Variants in GLRX2 observed in about 807,000 individuals in gnomAD.
The protein encoded by GLRX2 is bA101E13.1 (GRX2 glutaredoxin (thioltransferase) 2).
A neutral mutation model predicts 16.4 loss-of-function variants in GLRX2; 12 were observed. The observed-to-expected ratio is 0.73, with a 90% CI of 0.47 to 1.19. The LOEUF (loss-of-function observed/expected upper bound fraction) is 1.19, where lower values mean the gene tolerates loss of function less well. Among genes scored for constraint, GLRX2 ranks in the 50% most tolerant of loss-of-function variants. The pLI is 0.00. For synonymous variants in GLRX2, 95 were observed against 76.2 expected, an observed-to-expected ratio of 1.25 and a Z score of -1.28; for missense variants, 201 against 201.8, an observed-to-expected ratio of 1.00 and a Z score of 0.02.
chr1:193,105,708 T>G, upstream of GLRX2: 2 of 1,492,148 alleles, frequency 1.3e-6, no homozygotes, highest in Non-Finnish European at 1.8e-6. Flanking sequence ...TTGGAAGCAG[T>G]GCATGAGGAT....
intron 2 of GLRX2, among the ~76,000 whole-genome samples, chr1:193,098,054 A>G (rs1048853964): frequency 6.6e-6 from 1 of 152,194 alleles, no homozygotes; most frequent in South Asian, 2.1e-4. Flanking sequence ...TCAACAATTT[A>G]TCTTCACTGT....
chr1:193,102,924 T>A (rs570340629), intron 1 of GLRX2, among the ~76,000 whole-genome samples: 19 of 152,318 alleles, frequency 1.2e-4, no homozygotes, highest in African/African-American at 4.1e-4. Context: ...GGACTCTGTA[T>A]AAGCTCCCCA....
chr1:193,105,182 G>C (rs1675162130), intron 1 of GLRX2, 82 bp downstream of exon 1: 1 of 1,446,710 alleles, frequency 6.9e-7, no homozygotes, highest in Non-Finnish European at 9.0e-7. Context: ...GGGGCAAAGG[G>C]GCACCTCCGC....
Position 193,096,726 on chromosome 1 carries a change from C to A in GLRX2, c.394G>T (p.Gly132Ter), listed in dbSNP as rs780399378. 3.7e-6 allele frequency: 6 copies of A among 1,610,772 alleles called. No individual in the cohort carries two copies. In the South Asian group the frequency reaches 6.6e-5, roughly 18 times the overall value. The change falls in exon 4 of 4, where the codon GGA (glycine) becomes TGA (stop). Residue 132 changes from glycine to a stop codon, truncating the protein, a stop_gained. Coordinates refer to ENST00000367439, the MANE Select transcript of GLRX2 (RefSeq NM_197962.3). LOFTEE classifies it high-confidence loss of function. ...PRIFVNGTFI[G>*]GATDTHRLHK... Reference sequence around the variant, plus strand: ...AGCCTATGAGTGTCAGTTGCACCTCCAATAAAAGTACCATTGACAAATATT... The same window carrying A: ...AGCCTATGAGTGTCAGTTGCACCTCAAATAAAAGTACCATTGACAAATATT...
intron 3 of GLRX2, 121 bp downstream of exon 3, chr1:193,097,463 C>T: frequency 3.1e-6 from 2 of 645,310 alleles, no homozygotes; most frequent in South Asian, 3.5e-5. Context: ...CCTAGATCTG[C>T]AGCTGCTTTA....
At chr1:193,101,996 A>G (rs1246743559) in intron 1 of GLRX2, among the ~76,000 whole-genome samples, 1 of 152,178 alleles carries the variant, frequency 6.6e-6, no homozygotes, top group Admixed American at 6.5e-5. Flanking sequence ...TTCTTGGTCA[A>G]CCAGGCCCTA....
upstream of GLRX2, chr1:193,105,698 T>C (rs1411120423): frequency 3.3e-6 from 5 of 1,532,748 alleles, no homozygotes; most frequent in Middle Eastern, 1.8e-4. Context: ...TCCCAGGCAC[T>C]TGGAAGCAGT....
chr1:193,105,023 A>C (rs1675157278), intron 1 of GLRX2, among the ~76,000 whole-genome samples: 1 of 152,206 alleles, frequency 6.6e-6, no homozygotes. Flanking sequence ...GGCCTAAGTG[A>C]ACATGAGTGA....
chr1:193,102,686 C>G (rs574558843), intron 1 of GLRX2, among the ~76,000 whole-genome samples: 2 of 152,292 alleles, frequency 1.3e-5, no homozygotes, highest in African/African-American at 4.8e-5. Context: ...TGAATCCACT[C>G]TAATAGCTTT....
chr1:193,105,106 C>A (rs996142142), intron 1 of GLRX2, 158 bp downstream of exon 1: 1 of 782,524 alleles, frequency 1.3e-6, no homozygotes, highest in African/African-American at 1.9e-5. Flanking sequence ...CCTGCCCATC[C>A]CTCGAGCGCC....
At chr1:193,099,003 C>A (rs934400636) in intron 2 of GLRX2, among the ~76,000 whole-genome samples, 1 of 152,104 alleles carries the variant, frequency 6.6e-6, no homozygotes, top group Non-Finnish European at 1.5e-5. Context: ...TCCTATATAC[C>A]TTTATAGTAC....
In GLRX2 at chr1:193,105,376, A is replaced by C. The variant is rs539205532; in HGVS notation, c.7T>G (p.Trp3Gly). The C allele has an allele frequency of 3.5e-5, 54 of 1,535,238 alleles. No individual in the cohort carries two copies. The Middle Eastern group carries it at 5.9e-4, about 17-fold the overall frequency. Residue 3 changes from tryptophan (W) to glycine (G), a missense_variant, in exon 1 of 4, where the codon TGG becomes GGG. Coordinates refer to ENST00000367439, the MANE Select transcript of GLRX2 (RefSeq NM_197962.3). Reference protein sequence around the residue: MIWRRAALAGTRL... With the variant: MIGRRAALAGTRL... ...GTCCCCGCCAGCGCCGCGCGGCGCCAAATCATGGTCAGAGCCCGGATCTGC... is the reference window on the plus strand; with the variant it reads ...GTCCCCGCCAGCGCCGCGCGGCGCCCAATCATGGTCAGAGCCCGGATCTGC...
At chr1:193,105,686 G>T (rs1189554964), upstream of GLRX2, 1 of 1,553,418 alleles carries the variant, frequency 6.4e-7, no homozygotes, top group East Asian at 2.5e-5. Context: ...GCTCATAAAG[G>T]CTCCCAGGCA....
intron 3 of GLRX2, among the ~76,000 whole-genome samples, chr1:193,097,093 T>A (rs556097790): frequency 9.2e-5 from 14 of 152,378 alleles, no homozygotes; most frequent in Middle Eastern, 3.4e-3. Context: ...AATATTTAGT[T>A]ATTTCTTACA....
chr1:193,105,483 G>A (rs768748717), upstream of GLRX2: 247 of 967,400 alleles, frequency 2.6e-4, 3 homozygotes, highest in Admixed American at 6.5e-3. Flanking sequence ...GCCCCGTCCC[G>A]CCCCTCCGGA....
In GLRX2 at chr1:193,097,610, G is replaced by C. The variant is rs771311559; in HGVS notation, c.334C>G (p.Leu112Val). Residue 112 changes from leucine (L) to valine (V), a missense_variant, in exon 3 of 4, where the codon CTT (leucine) becomes GTT (valine). Coordinates refer to ENST00000367439, the MANE Select transcript of GLRX2 (RefSeq NM_197962.3). ...LEYGNQFQDA[L>V]YKMTGERTVP... ...GTTCTTTCACCAGTCATTTTGTAAA[G>C]AGCATCTTGGAACTGGTTTCCATAT... The C allele has an allele frequency of 4.4e-5, 70 of 1,608,264 alleles. No homozygotes were observed. The highest frequency in any genetic ancestry group is 5.8e-5 in the Non-Finnish European group (68 of 1,178,202).
At chr1:193,100,389 G>A (rs1040764388) in intron 2 of GLRX2, among the ~76,000 whole-genome samples, 12 of 152,158 alleles carry the variant, frequency 7.9e-5, no homozygotes, top group Non-Finnish European at 1.0e-4. Context: ...CAGGAGAATT[G>A]CTTGAACCCA....
Position 193,097,628 on chromosome 1 carries a change from T to C in GLRX2, c.316A>G (p.Asn106Asp). The C allele has an allele frequency of 1.9e-6, 3 of 1,610,210 alleles. No individual in the cohort carries two copies. The South Asian group carries it at 3.3e-5, about 18-fold the overall frequency. ...VVELDLLEYG[N>D]QFQDALYKMT... Reference sequence around the variant, plus strand: ...TTGTAAAGAGCATCTTGGAACTGGTTTCCATATTCAAGCAGGTCCAGTTCC... The same window carrying C: ...TTGTAAAGAGCATCTTGGAACTGGTCTCCATATTCAAGCAGGTCCAGTTCC... The change falls in exon 3 of 4, where the codon AAC becomes GAC. Residue 106 changes from asparagine (N) to aspartate (D), a missense_variant. Coordinates refer to ENST00000367439, the MANE Select transcript of GLRX2 (RefSeq NM_197962.3).
chr1:193,098,964 G>GT (rs1287859613), intron 2 of GLRX2, among the ~76,000 whole-genome samples: 6 of 152,278 alleles, frequency 3.9e-5, no homozygotes, highest in African/African-American at 1.4e-4. Context: ...TTCTTAAAAT[G>GT]TAAGGCTTAC....
Sources: gnomAD v4.1 joint callset for allele counts (sites outside exome capture counted in the v4.1 genomes callset) on GRCh38, gnomAD v4.1.1 for gene constraint, MANE v1.5 for transcripts, NCBI Gene and HGNC (gene_info 2026-07-23, HGNC 2026-07-21) for gene names.